Variants in DIAPH2 observed in about 807,000 individuals in gnomAD.
The protein encoded by DIAPH2 is diaphanous related formin 2, also known as protein diaphanous homolog 2.
Under a neutral mutation model 92.7 loss-of-function variants are expected in DIAPH2, and 35 were observed. The observed-to-expected ratio is 0.38, with a 90% CI of 0.29 to 0.50. DIAPH2 has a LOEUF of 0.50. DIAPH2 is among the 20% of genes least tolerant of loss of function. The probability of loss-of-function intolerance (pLI) is 0.94; values close to 1 mark genes in which losing one functional copy is unlikely to be tolerated. For missense variants in DIAPH2, 701 were observed against 819.5 expected (o/e 0.86, Z 1.77); for synonymous variants, 301 against 280.4 (o/e 1.07, Z -0.73).
At chrX:96,758,386 A>G (rs773026790) in intron 4 of DIAPH2, 128 bp downstream of exon 4, 192 of 409,785 alleles carry the variant, frequency 4.7e-4, no homozygotes, top group Non-Finnish European at 5.0e-4. Context: ...TCAGAAGACA[A>G]TTTATATATG....
Position 97,603,025 on chromosome X carries a change from CAAAT to C in DIAPH2, c.*3713_*3716del, listed in dbSNP as rs1193192763. The C allele has an allele frequency of 2.7e-5, 3 of 111,256 alleles. No homozygotes were observed. Among genetic ancestry groups the C allele is most frequent in the Non-Finnish European group, 5.7e-5 (3 of 53,071 alleles). The allele number at this position is 111,256 out of a possible 1,213,427, so 9.2% of individuals were successfully genotyped here. On this transcript the variant is annotated 3_prime_UTR_variant, in exon 27 of 27. Transcript: ENST00000324765. ...TATTCTTGGCTTCTGTTGAAACAGT[CAAAT>C]AAATCCACAAGTTAATGCCTAACCT...
intron 1 of DIAPH2, among the ~76,000 whole-genome samples, chrX:96,713,290 T>C (rs774823692): frequency 1.3e-4 from 15 of 111,527 alleles, no homozygotes; most frequent in Non-Finnish European, 2.4e-4. Context: ...ACCTCCTGCC[T>C]CAAGGATTGT....
At chrX:97,388,418 C>T (rs2082154904) in intron 25 of DIAPH2, among the ~76,000 whole-genome samples, 1 of 111,861 alleles carries the variant, frequency 8.9e-6, no homozygotes, top group African/African-American at 3.2e-5. Context: ...GAGATGTGAT[C>T]ATAGCTCACT....
chrX:97,386,290 C>T (rs113669542), intron 25 of DIAPH2, among the ~76,000 whole-genome samples: 2,183 of 111,882 alleles, frequency 0.02, 63 homozygotes, highest in African/African-American at 0.067. Flanking sequence ...TGAGGTCACT[C>T]TATCAGGAGG....
At chrX:97,301,941 A>G (rs1263519547) in intron 23 of DIAPH2, among the ~76,000 whole-genome samples, 2 of 111,301 alleles carry the variant, frequency 1.8e-5, no homozygotes, top group African/African-American at 3.3e-5. Context: ...ATGGCCGAGC[A>G]CAGTGGCTCA....
intron 26 of DIAPH2, among the ~76,000 whole-genome samples, chrX:97,485,835 T>A (rs1330520296): frequency 9.0e-6 from 1 of 111,434 alleles, no homozygotes; most frequent in Non-Finnish European, 1.9e-5. Context: ...GCCTCATTTT[T>A]ACTGATATGA....
chrX:97,056,503 C>T (rs747367394), intron 17 of DIAPH2, among the ~76,000 whole-genome samples: 1 of 111,921 alleles, frequency 8.9e-6, no homozygotes, highest in Admixed American at 9.5e-5. Flanking sequence ...TCATCTTTGC[C>T]TTTGGGAAAT....
chrX:96,969,134 A>G (rs2065911647), intron 17 of DIAPH2, among the ~76,000 whole-genome samples: 1 of 112,006 alleles, frequency 8.9e-6, no homozygotes, highest in Non-Finnish European at 1.9e-5. Context: ...GTAGCCTTGT[A>G]ATATAGTTTG....
intron 26 of DIAPH2, among the ~76,000 whole-genome samples, chrX:97,539,118 AATAGCTTTCTAT>A (rs2071119998): frequency 8.9e-6 from 1 of 111,973 alleles, no homozygotes; most frequent in Non-Finnish European, 1.9e-5. Context: ...AAAAGAATTA[AATAGCTTTCTAT>A]ATAGCTTACC....
intron 25 of DIAPH2, among the ~76,000 whole-genome samples, chrX:97,419,470 A>G (rs1299289378): frequency 8.9e-6 from 1 of 112,271 alleles, no homozygotes; most frequent in Non-Finnish European, 1.9e-5. Flanking sequence ...GTAGCACAAA[A>G]TATTATTCTT....
chrX:97,425,351 G>C (rs2147773370), intron 25 of DIAPH2, among the ~76,000 whole-genome samples: 1 of 111,947 alleles, frequency 8.9e-6, no homozygotes, highest in Admixed American at 9.5e-5. Context: ...TGTACATCAT[G>C]GTAACAGTAG....
At chrX:97,075,103 C>G (rs763886919) in intron 18 of DIAPH2, 64 bp from the exon 19 acceptor site, 1 of 688,324 alleles carries the variant, frequency 1.5e-6, no homozygotes, top group Non-Finnish European at 2.2e-6. Flanking sequence ...GAAAATCAGA[C>G]GTTTATTAGG....
intron 8 of DIAPH2, among the ~76,000 whole-genome samples, chrX:96,916,797 G>T (rs2065507595): frequency 9.0e-6 from 1 of 111,226 alleles, no homozygotes; most frequent in African/African-American, 3.3e-5. Flanking sequence ...ATTCTTGAAA[G>T]TTGGATTCAA....
chrX:96,839,656 C>T (rs2064922996), intron 4 of DIAPH2, among the ~76,000 whole-genome samples: 1 of 111,684 alleles, frequency 9.0e-6, no homozygotes, highest in Non-Finnish European at 1.9e-5. Context: ...GAACATTTTA[C>T]CTCGGGCATG....
chrX:97,129,658 A>C (rs2067124584), intron 21 of DIAPH2, among the ~76,000 whole-genome samples: 1 of 111,533 alleles, frequency 9.0e-6, no homozygotes, highest in African/African-American at 3.3e-5. Flanking sequence ...AACTTGCTAA[A>C]TTCATTTTGG....
intron 4 of DIAPH2, among the ~76,000 whole-genome samples, chrX:96,771,775 G>A (rs927588155): frequency 1.4e-4 from 16 of 111,469 alleles, no homozygotes; most frequent in African/African-American, 4.9e-4. Flanking sequence ...GTTGGCTCAT[G>A]CCTGTAATCC....
At chrX:97,293,581 G>A (rs746832178) in intron 23 of DIAPH2, among the ~76,000 whole-genome samples, 1 of 111,419 alleles carries the variant, frequency 9.0e-6, no homozygotes, top group East Asian at 2.8e-4. Context: ...ATTATTTTGT[G>A]TATGTCATGA....
chrX:96,892,146 C>T (rs1054771532), intron 5 of DIAPH2, among the ~76,000 whole-genome samples: 3 of 111,347 alleles, frequency 2.7e-5, no homozygotes, highest in African/African-American at 9.8e-5. Flanking sequence ...CTTGGCAAAG[C>T]GGCCAACAGT....
chrX:96,722,384 C>T (rs2063994346), intron 1 of DIAPH2, among the ~76,000 whole-genome samples: 1 of 110,499 alleles, frequency 9.0e-6, no homozygotes, highest in African/African-American at 3.3e-5. Context: ...GACTCTCATT[C>T]ATTCATTCGT....
Sources: gnomAD v4.1 joint callset for allele counts (sites outside exome capture counted in the v4.1 genomes callset) on GRCh38, gnomAD v4.1.1 for gene constraint, MANE v1.5 for transcripts, NCBI Gene and HGNC (gene_info 2026-07-23, HGNC 2026-07-21) for gene names.